PLCG1: variants seen among roughly 807,000 people sequenced by gnomAD.
PLCG1 encodes the protein 1-phosphatidylinositol 4,5-bisphosphate phosphodiesterase gamma-1.
In PLCG1, 71 loss-of-function variants were observed where a neutral mutation model predicts 177.8. That is an observed-to-expected ratio of 0.40 (90% confidence interval 0.33 to 0.49). The LOEUF is 0.49. Among genes scored for constraint, PLCG1 ranks in the 20% least tolerant of loss-of-function variants. The pLI, the probability that PLCG1 is intolerant of heterozygous loss-of-function variation, is 0.72. For missense variants in PLCG1, 1,281 were observed against 1,709.0 expected (o/e 0.75, Z 4.42); for synonymous variants, 658 against 647.9 (o/e 1.02, Z -0.24).
In PLCG1 at chr20:41,163,861, AGCT is replaced by A. The variant is rs1600661792; in HGVS notation, c.1010+29_1010+31del. 6.2e-7 allele frequency: 1 copy of A among 1,608,306 alleles called. No homozygotes were observed. The highest frequency in any genetic ancestry group is 1.1e-5 in the South Asian group (1 of 90,940). ...GAGTGTGGCTCCTTCAGGCCCACCCAGCTTCTTCCCCAGGAGGGCCCATCTGAC... is the reference window on the plus strand; with the variant it reads ...GAGTGTGGCTCCTTCAGGCCCACCCATCTTCCCCAGGAGGGCCCATCTGAC... On this transcript the variant is annotated intron_variant, in intron 10 of 31. Coordinates refer to ENST00000685551, the MANE Select transcript of PLCG1 (RefSeq NM_002660.3). The surrounding 1 kb of genome is among the most constrained non-coding windows in gnomAD (Gnocchi z 5.2).
chr20:41,149,721 G>A (rs954660549), intron 1 of PLCG1, among the ~76,000 whole-genome samples: 10 of 152,176 alleles, frequency 6.6e-5, no homozygotes, highest in Non-Finnish European at 1.2e-4. Flanking sequence ...CCGGAAGAGA[G>A]GACCTTGACC....
chr20:41,160,127 C>T lies in PLCG1; in HGVS notation c.486C>T (p.Tyr162=). The change falls in exon 4 of 32, where the codon TAC becomes TAT. Residue 162 remains tyrosine, a synonymous_variant. Coordinates refer to ENST00000685551, the MANE Select transcript of PLCG1 (RefSeq NM_002660.3). The surrounding 1 kb of genome is among the most constrained non-coding windows in gnomAD (Gnocchi z 5.5). ...CCAGGTGGCTCCGGAAGCAGTTTTA[C>T]TCAGTGGATCGGAATCGTGAGGATC... The part of the protein sequence containing the change: ...QIERWLRKQF[Y]SVDRNREDRI... 6.2e-7 allele frequency: 1 copy of T among 1,614,156 alleles called. No homozygotes were observed. Among genetic ancestry groups the T allele is most frequent in the Non-Finnish European group, 8.5e-7 (1 of 1,179,998 alleles).
chr20:41,165,271 C>T lies in PLCG1; in HGVS notation c.1413C>T (p.Ala471=). The change falls in exon 14 of 32, where the codon GCC becomes GCT. Residue 471 remains alanine, a synonymous_variant. Transcript: ENST00000685551. This position sits in a 1 kb window ranked among gnomAD's most constrained non-coding sequence, Gnocchi z 6.6. The part of the protein sequence containing the change: ...IKHKKLAEGS[A]YEEVPTSMMY... ...ACAAGAAGCTGGCTGAGGGCAGTGCCTACGAGGAGGTGCCTACATCCATGA... is the reference window on the plus strand; with the variant it reads ...ACAAGAAGCTGGCTGAGGGCAGTGCTTACGAGGAGGTGCCTACATCCATGA... The T allele has an allele frequency of 1.2e-6, 2 of 1,614,126 alleles. No homozygotes were observed. The highest frequency in any genetic ancestry group is 2.2e-5 in the East Asian group (1 of 44,872).
rs972406042 is a variant in PLCG1, at chr20:41,144,994, A to G, written c.217+7136A>G. 1.3e-5 allele frequency among the ~76,000 whole-genome samples: 2 copies of G among 152,202 alleles called. No individual in the cohort carries two copies. The highest frequency in any genetic ancestry group is 4.8e-5 in the African/African-American group (2 of 41,448). On this transcript the variant is annotated intron_variant, in intron 1 of 31. Coordinates refer to ENST00000685551, the MANE Select transcript of PLCG1 (RefSeq NM_002660.3). This position sits in a 1 kb window ranked among gnomAD's most constrained non-coding sequence, Gnocchi z 4.1. ...AGCACTGTGGAGACCAGTAGTGGAC[A>G]TAAGGTTAGGGTAGATACAGCCAGA...
At position 41,165,770 on chromosome 20, in the gene PLCG1, C is replaced by T. The variant is rs1424503113; in HGVS notation, c.1743C>T (p.Gly581=). 5 of 1,607,478 alleles carry T rather than the reference C, an allele frequency of 3.1e-6. No individual in the cohort carries two copies. Among genetic ancestry groups the T allele is most frequent in the Non-Finnish European group, 4.3e-6 (5 of 1,175,076 alleles). Residue 581 remains glycine, a synonymous_variant, in exon 16 of 32, where the codon GGC becomes GGT. Coordinates refer to ENST00000685551, the MANE Select transcript of PLCG1 (RefSeq NM_002660.3). The surrounding 1 kb of genome is among the most constrained non-coding windows in gnomAD (Gnocchi z 6.6). ...EYCIETGAPD[G]SFLVRESETF... ...GCATCGAGACCGGAGCCCCTGACGG[C>T]TCCTTCCTCGTGCGAGAGAGTGAGA...
rs1023712871 is a variant in PLCG1 at position 41,175,543 on chromosome 20, C to CA, written c.*1035dup. ...ATGGGAAGGTTAGAAAGGCAGCCCTCACCTCTGAGGACAGAGGCCGGGGTC... is the reference window on the plus strand; with the variant it reads ...ATGGGAAGGTTAGAAAGGCAGCCCTCAACCTCTGAGGACAGAGGCCGGGGTC... On this transcript the variant is annotated 3_prime_UTR_variant, in exon 32 of 32. Coordinates refer to ENST00000685551, the MANE Select transcript of PLCG1 (RefSeq NM_002660.3). The CA allele has an allele frequency of 2.6e-4, 39 of 152,624 alleles. 1 individual carries two copies. Among genetic ancestry groups the CA allele is most frequent in the African/African-American group, 8.0e-4 (33 of 41,430 alleles). The allele number at this position is 152,624 out of a possible 1,614,324, so 9.5% of individuals were successfully genotyped here.
chr20:41,170,430 G>C (rs1242132499), intron 24 of PLCG1, 161 bp downstream of exon 24: 11 of 666,614 alleles, frequency 1.7e-5, no homozygotes, highest in Non-Finnish European at 2.8e-5. Flanking sequence ...AGAAGAAACA[G>C]ACACATAAGA....
Position 41,137,959 on chromosome 20 carries a change from A to G in PLCG1, c.217+101A>G. 1 of 837,002 alleles carries G rather than the reference A, an allele frequency of 1.2e-6. No homozygotes were observed. Among genetic ancestry groups the G allele is most frequent in the South Asian group, 6.3e-5 (1 of 15,906 alleles). 51.8% of individuals were successfully genotyped at this position (837,002 alleles called of 1,614,324 possible). Reference sequence around the variant, plus strand: ...GGCCGGCCGCCCCAGCGACTTGGGCAAACTTTCGGGCCCTCCCAGACTCCC... The same window carrying G: ...GGCCGGCCGCCCCAGCGACTTGGGCGAACTTTCGGGCCCTCCCAGACTCCC... On this transcript the variant is annotated intron_variant, in intron 1 of 31. Coordinates refer to ENST00000685551, the MANE Select transcript of PLCG1 (RefSeq NM_002660.3). The surrounding 1 kb of genome is among the most constrained non-coding windows in gnomAD (Gnocchi z 7.3).
intron 1 of PLCG1, among the ~76,000 whole-genome samples, chr20:41,140,358 C>T (rs543562151): frequency 6.6e-6 from 1 of 152,328 alleles, no homozygotes; most frequent in East Asian, 1.9e-4. Flanking sequence ...GTTCTGATCC[C>T]TGCGGCCTCT....
At chr20:41,169,265 C>T (rs2035813575) in intron 22 of PLCG1, 90 bp downstream of exon 22, 1 of 1,026,464 alleles carries the variant, frequency 9.7e-7, no homozygotes, top group Non-Finnish European at 1.5e-6. Flanking sequence ...CACGCACGTG[C>T]ATGCACAGAC....
At position 41,165,054 on chromosome 20, in the gene PLCG1, G is replaced by C; in HGVS notation, c.1339G>C (p.Asp447His). ...CACCAAGCCCGTGGAGATCTCTGCCGACGGGCTCCCCTCACCCAACCAGCT... is the reference window on the plus strand; with the variant it reads ...CACCAAGCCCGTGGAGATCTCTGCCCACGGGCTCCCCTCACCCAACCAGCT... ...LLTKPVEISA[D>H]GLPSPNQLKR... Residue 447 changes from aspartate to histidine, a missense_variant, in exon 13 of 32, where the codon GAC (aspartate) becomes CAC (histidine). By Grantham distance (81) the Asp-to-His change is moderately conservative. Transcript: ENST00000685551. The surrounding 1 kb of genome is among the most constrained non-coding windows in gnomAD (Gnocchi z 6.6). 6.2e-7 allele frequency: 1 copy of C among 1,614,064 alleles called. No homozygotes were observed. The highest frequency in any genetic ancestry group is 8.5e-7 in the Non-Finnish European group (1 of 1,179,986).
chr20:41,145,474 A>G (rs1207075190), intron 1 of PLCG1, among the ~76,000 whole-genome samples: 2 of 152,118 alleles, frequency 1.3e-5, no homozygotes, highest in African/African-American at 2.4e-5. Flanking sequence ...CATCTCTGCC[A>G]TAGCTGCCCC....
chr20:41,138,240 T>C (rs1320844581), intron 1 of PLCG1, among the ~76,000 whole-genome samples: 1 of 151,978 alleles, frequency 6.6e-6, no homozygotes, highest in Non-Finnish European at 1.5e-5. Context: ...ACCTGGGGCC[T>C]GACCAGACGG....
intron 1 of PLCG1, among the ~76,000 whole-genome samples, chr20:41,152,717 A>C (rs113169784): frequency 5.9e-5 from 9 of 152,376 alleles, no homozygotes; most frequent in African/African-American, 1.9e-4. Flanking sequence ...TAGGGAATGG[A>C]GAGAAGAGTC....
At position 41,151,099 on chromosome 20, in the gene PLCG1, G is replaced by A. The variant is rs1352534162; in HGVS notation, c.218-8507G>A. Among the ~76,000 whole-genome samples the A allele has an allele frequency of 5.9e-5, 9 of 152,164 alleles. No individual in the cohort carries two copies. Among genetic ancestry groups the A allele is most frequent in the African/African-American group, 2.2e-4 (9 of 41,434 alleles). On this transcript the variant is annotated intron_variant, in intron 1 of 31. Transcript: ENST00000685551. This position sits in a 1 kb window ranked among gnomAD's most constrained non-coding sequence, Gnocchi z 5.5. ...TTCCAGCTTTAATTTCTCTGGGTGGGACCTCCTTTCCCTTCCTTCCTTTGG... is the reference window on the plus strand; with the variant it reads ...TTCCAGCTTTAATTTCTCTGGGTGGAACCTCCTTTCCCTTCCTTCCTTTGG...
chr20:41,171,316 G>A (rs2035888160), intron 24 of PLCG1, among the ~76,000 whole-genome samples: 1 of 152,148 alleles, frequency 6.6e-6, no homozygotes, highest in Non-Finnish European at 1.5e-5. Context: ...GCCGGGCGTG[G>A]TGGCTCACGC....
At position 41,164,954 on chromosome 20, in the gene PLCG1, T is replaced by G. The variant is rs779105512; in HGVS notation, c.1239T>G (p.Ile413Met). 1 of 1,614,128 alleles carries G rather than the reference T, an allele frequency of 6.2e-7. No individual in the cohort carries two copies. Among genetic ancestry groups the G allele is most frequent in the Non-Finnish European group, 8.5e-7 (1 of 1,179,996 alleles). Residue 413 changes from isoleucine (I) to methionine (M), a missense_variant, in exon 13 of 32, where the codon ATT becomes ATG. Physicochemically the swap from Ile to Met is conservative, Grantham distance 10. Coordinates refer to ENST00000685551, the MANE Select transcript of PLCG1 (RefSeq NM_002660.3). This position sits in a 1 kb window ranked among gnomAD's most constrained non-coding sequence, Gnocchi z 6.4. Reference protein sequence around the residue: ...VASEYPVILSIEDHCSIAQQR... With the variant: ...VASEYPVILSMEDHCSIAQQR... ...GCAGGTACCCAGTCATCCTGTCCAT[T>G]GAGGACCACTGCAGCATTGCCCAGC...
Position 41,160,011 on chromosome 20 carries a change from G to A in PLCG1, c.464+48G>A, listed in dbSNP as rs1335364052. Reference sequence around the variant, plus strand: ...TTAGGGCTGGGAGCATTAGGGACCAGGGGGACAGGGACAGCAGACCTTTGT... The same window carrying A: ...TTAGGGCTGGGAGCATTAGGGACCAAGGGGACAGGGACAGCAGACCTTTGT... On this transcript the variant is annotated intron_variant, in intron 3 of 31. Transcript: ENST00000685551. This position sits in a 1 kb window ranked among gnomAD's most constrained non-coding sequence, Gnocchi z 5.5. 13 of 1,598,852 alleles carry A rather than the reference G, an allele frequency of 8.1e-6. No individual in the cohort carries two copies. Among genetic ancestry groups the A allele is most frequent in the Admixed American group, 3.3e-5 (2 of 59,998 alleles).
Position 41,169,188 on chromosome 20 carries a change from C to T in PLCG1, c.2580+13C>T. The T allele has an allele frequency of 6.4e-7, 1 of 1,551,912 alleles. No individual in the cohort carries two copies. Among genetic ancestry groups the T allele is most frequent in the Non-Finnish European group, 8.9e-7 (1 of 1,123,928 alleles). ...GCCGGAGAGGGAGGTAAGACCAGAA[C>T]CACCTGAGTAACAGCATTCCCTATT... On this transcript the variant is annotated intron_variant, in intron 22 of 31. Transcript: ENST00000685551.
Sources: gnomAD v4.1 joint callset for allele counts (sites outside exome capture counted in the v4.1 genomes callset) on GRCh38, gnomAD v4.1.1 for gene constraint, Gnocchi (gnomAD v3.1) non-coding constraint, MANE v1.5 for transcripts, NCBI Gene and HGNC (gene_info 2026-07-23, HGNC 2026-07-21) for gene names.